The following GPM6A variants were observed in gnomAD, a reference collection of about 807,000 sequenced individuals.
GPM6A encodes the protein glycoprotein M6A, also known as neuronal membrane glycoprotein M6-a.
In GPM6A, 7 loss-of-function variants were observed where a neutral mutation model predicts 32.1. The observed-to-expected ratio is 0.22, with a 90% CI of 0.12 to 0.41. GPM6A has a LOEUF of 0.41. Ranked by LOEUF, GPM6A falls within the 10% of genes least tolerant of loss-of-function variation. The pLI is 1.00. For synonymous variants in GPM6A, 130 were observed against 123.4 expected (o/e 1.05, Z -0.35); for missense variants, 235 against 347.2 (o/e 0.68, Z 2.57).
At chr4:175,709,008 G>A (rs931399432) in intron 1 of GPM6A, among the ~76,000 whole-genome samples, 4 of 152,142 alleles carry the variant, frequency 2.6e-5, no homozygotes, top group Admixed American at 6.5e-5. Flanking sequence ...ATACGCTGAT[G>A]TTTATAGAGT....
intron 4 of GPM6A, among the ~76,000 whole-genome samples, chr4:175,646,116 C>T (rs558914444): frequency 6.6e-6 from 1 of 152,232 alleles, no homozygotes; most frequent in East Asian, 1.9e-4. Flanking sequence ...AGGCTCGTTA[C>T]TTTCTTAAAA....
At chr4:175,997,709 T>C (rs1210043565) in intron 1 of GPM6A, among the ~76,000 whole-genome samples, 1 of 152,238 alleles carries the variant, frequency 6.6e-6, no homozygotes, top group Non-Finnish European at 1.5e-5. Context: ...AAGACAATAC[T>C]GTGTGTCATT....
intron 1 of GPM6A, among the ~76,000 whole-genome samples, chr4:175,956,757 C>T (rs1418566494): frequency 2.0e-5 from 3 of 151,374 alleles, no homozygotes; most frequent in African/African-American, 7.4e-5. Flanking sequence ...TGTCCCTGAA[C>T]AATTTAATGT....
chr4:175,669,716 T>A (rs1026968350), intron 3 of GPM6A, among the ~76,000 whole-genome samples: 5 of 152,238 alleles, frequency 3.3e-5, no homozygotes, highest in African/African-American at 1.2e-4. Flanking sequence ...ACAAAATTCA[T>A]ATGATGAAAT....
At chr4:175,885,174 GAGT>G (rs1360915986) in intron 1 of GPM6A, among the ~76,000 whole-genome samples, 1 of 152,202 alleles carries the variant, frequency 6.6e-6, no homozygotes, top group Non-Finnish European at 1.5e-5. Context: ...TATAACCATG[GAGT>G]GAAATACTAC....
intron 1 of GPM6A, among the ~76,000 whole-genome samples, chr4:175,953,678 G>GATCACCT (rs960240135): frequency 4.6e-5 from 7 of 152,134 alleles, no homozygotes; most frequent in African/African-American, 1.7e-4. Context: ...GAGGTGGGCG[G>GATCACCT]ATCACCTAAG....
At chr4:175,942,096 AT>A (rs1739431080) in intron 1 of GPM6A, among the ~76,000 whole-genome samples, 1 of 152,132 alleles carries the variant, frequency 6.6e-6, no homozygotes, top group Non-Finnish European at 1.5e-5. Context: ...ATGGTATCTC[AT>A]TGTGGTTTTG....
chr4:175,637,635 ATT>A (rs1305592626), intron 6 of GPM6A, among the ~76,000 whole-genome samples: 13 of 668 alleles, frequency 0.019, 1 homozygote, highest in South Asian at 0.083. Flanking sequence ...TTATATATAT[ATT>A]ATATATTATA....
chr4:175,683,683 C>G (rs373805923), intron 2 of GPM6A, among the ~76,000 whole-genome samples: 1 of 152,130 alleles, frequency 6.6e-6, no homozygotes, highest in Non-Finnish European at 1.5e-5. Context: ...CTCTCTCCCT[C>G]TCTTGCTCCT....
intron 6 of GPM6A, among the ~76,000 whole-genome samples, chr4:175,637,649 AAAATATAAAATATATAATATATATAATAT>A (rs1740826216): frequency 5.2e-5 from 1 of 19,374 alleles, no homozygotes; most frequent in East Asian, 0.038. Context: ...TATATTATAT[AAAATATAAAATATATAATATATATAATAT>A]ATATATAATA....
At chr4:175,866,819 T>C (rs1736753859) in intron 1 of GPM6A, among the ~76,000 whole-genome samples, 1 of 152,218 alleles carries the variant, frequency 6.6e-6, no homozygotes, top group African/African-American at 2.4e-5. Flanking sequence ...GAAGCATGTT[T>C]ACTTTTGTAA....
At chr4:175,770,791 G>C (rs1733155808) in intron 1 of GPM6A, among the ~76,000 whole-genome samples, 1 of 152,004 alleles carries the variant, frequency 6.6e-6, no homozygotes, top group Non-Finnish European at 1.5e-5. Context: ...ATAATATCCA[G>C]ATATACTTCG....
chr4:175,806,150 T>C (rs1734687165), intron 1 of GPM6A: 1 of 151,952 alleles, frequency 6.6e-6, no homozygotes, highest in South Asian at 2.1e-4. Flanking sequence ...TGGGGAGGGG[T>C]TTTTGCTTGG....
chr4:175,974,849 A>G (rs547354079), intron 1 of GPM6A, among the ~76,000 whole-genome samples: 7 of 152,172 alleles, frequency 4.6e-5, no homozygotes, highest in African/African-American at 1.7e-4. Context: ...TGCCCAGCTA[A>G]TTTTGGTATT....
chr4:175,659,204 T>C (rs1742260904), intron 3 of GPM6A, among the ~76,000 whole-genome samples: 1 of 151,842 alleles, frequency 6.6e-6, no homozygotes, highest in African/African-American at 2.4e-5. Context: ...TGCCTCAGCC[T>C]CTAGAGTAGC....
intron 4 of GPM6A, 45 bp from the exon 5 acceptor site, chr4:175,640,874 A>G: frequency 8.3e-7 from 1 of 1,211,560 alleles, no homozygotes; most frequent in Non-Finnish European, 1.2e-6. Context: ...AAATGTTTTG[A>G]AGAGCCAAGA....
intron 1 of GPM6A, among the ~76,000 whole-genome samples, chr4:175,938,789 C>G (rs1180212945): frequency 6.7e-6 from 1 of 150,342 alleles, no homozygotes; most frequent in Non-Finnish European, 1.5e-5. Flanking sequence ...TTCCAAGTAC[C>G]CTGGCTTTAC....
chr4:175,906,471 A>G (rs1738133739), intron 1 of GPM6A, among the ~76,000 whole-genome samples: 1 of 152,138 alleles, frequency 6.6e-6, no homozygotes, highest in Non-Finnish European at 1.5e-5. Context: ...AATTTTAGAA[A>G]ACAAGCCTTC....
chr4:175,780,428 A>G (rs1733574183), intron 1 of GPM6A, among the ~76,000 whole-genome samples: 1 of 152,236 alleles, frequency 6.6e-6, no homozygotes, highest in Non-Finnish European at 1.5e-5. Flanking sequence ...GTACAAGAGC[A>G]CAGTTTTCTG....
Sources: allele counts gnomAD v4.1 joint callset (sites outside exome capture counted in the v4.1 genomes callset), GRCh38; gene constraint gnomAD v4.1.1; transcripts MANE v1.5; gene names NCBI Gene and HGNC (gene_info 2026-07-23, HGNC 2026-07-21).